The following EYA1 variants were observed in gnomAD, a reference collection of about 807,000 sequenced individuals.
The protein encoded by EYA1 is protein phosphatase EYA1.
Under a neutral mutation model 82.0 loss-of-function variants are expected in EYA1, and 16 were observed. That is an observed-to-expected ratio of 0.20 (90% CI 0.13 to 0.30). The LOEUF (loss-of-function observed/expected upper bound fraction) is 0.30, where lower values mean the gene tolerates loss of function less well. EYA1 is among the 10% of genes least tolerant of loss of function. The probability of loss-of-function intolerance (pLI) is 1.00; values close to 1 mark genes in which losing one functional copy is unlikely to be tolerated. For synonymous variants in EYA1, 261 were observed against 264.4 expected (o/e 0.99, Z 0.12); for missense variants, 633 against 730.7 (o/e 0.87, Z 1.54).
At chr8:71,331,289 T>C (rs185811914) in intron 4 of EYA1, among the ~76,000 whole-genome samples, 4 of 148,090 alleles carry the variant, frequency 2.7e-5, no homozygotes, top group African/African-American at 1.0e-4. Context: ...CACACACATA[T>C]ATATACATAT....
chr8:71,405,733 T>C (rs1025594922), intron 2 of EYA1, among the ~76,000 whole-genome samples: 3 of 152,184 alleles, frequency 2.0e-5, no homozygotes, highest in East Asian at 1.9e-4. Flanking sequence ...TTTTCCGTTG[T>C]TATTTGATGA....
intron 2 of EYA1, among the ~76,000 whole-genome samples, chr8:71,355,508 T>C (rs1190098731): frequency 6.6e-6 from 1 of 152,212 alleles, no homozygotes; most frequent in Non-Finnish European, 1.5e-5. Context: ...TAATTGTTCC[T>C]CTGTTTCCCT....
upstream of EYA1, among the ~76,000 whole-genome samples, chr8:71,365,067 A>T (rs1228916565): frequency 6.7e-6 from 1 of 149,764 alleles, no homozygotes; most frequent in African/African-American, 2.4e-5. Flanking sequence ...TATATATGTG[A>T]GAGAGAGAGA....
intron 16 of EYA1, among the ~76,000 whole-genome samples, chr8:71,214,193 C>T (rs546602576): frequency 3.3e-5 from 5 of 152,170 alleles, no homozygotes; most frequent in South Asian, 2.1e-4. Flanking sequence ...TGCTCATACC[C>T]CTTCCCCTGG....
upstream of EYA1, among the ~76,000 whole-genome samples, chr8:71,365,240 A>G (rs1369321145): frequency 6.6e-6 from 1 of 151,922 alleles, no homozygotes; most frequent in Non-Finnish European, 1.5e-5. Flanking sequence ...AATTCCAATA[A>G]TGAAAATAAA....
intron 9 of EYA1, among the ~76,000 whole-genome samples, chr8:71,279,780 A>G (rs565027011): frequency 6.6e-6 from 1 of 152,370 alleles, no homozygotes; most frequent in Non-Finnish European, 1.5e-5. Context: ...GGTACAGGTC[A>G]CAGGTATATG....
intron 2 of EYA1, among the ~76,000 whole-genome samples, chr8:71,391,315 T>C (rs934537361): frequency 1.3e-5 from 2 of 152,172 alleles, no homozygotes; most frequent in Non-Finnish European, 2.9e-5. Context: ...TAGCTTCCGT[T>C]TCACTGTTGA....
At chr8:71,445,796 G>A (rs1184148996) in intron 2 of EYA1, among the ~76,000 whole-genome samples, 3 of 152,036 alleles carry the variant, frequency 2.0e-5, no homozygotes, top group Non-Finnish European at 4.4e-5. Context: ...CCACCACCAC[G>A]CCCACCTCGG....
At chr8:71,399,479 T>G (rs996244718) in intron 2 of EYA1, among the ~76,000 whole-genome samples, 2 of 152,170 alleles carry the variant, frequency 1.3e-5, no homozygotes, top group African/African-American at 4.8e-5. Context: ...TGACATATCT[T>G]TGTTTTAACT....
intron 2 of EYA1, among the ~76,000 whole-genome samples, chr8:71,372,981 T>C (rs1828168467): frequency 1.3e-5 from 2 of 152,092 alleles, no homozygotes; most frequent in African/African-American, 4.8e-5. Context: ...GGAAATTTCC[T>C]TGACATAATA....
chr8:71,275,445 G>C (rs1362496465), intron 9 of EYA1, among the ~76,000 whole-genome samples: 1 of 152,142 alleles, frequency 6.6e-6, no homozygotes, highest in African/African-American at 2.4e-5. Flanking sequence ...CCAGTAGGCT[G>C]CTAGACTACT....
chr8:71,431,851 A>T (rs1805641533), intron 2 of EYA1, among the ~76,000 whole-genome samples: 1 of 152,070 alleles, frequency 6.6e-6, no homozygotes. Flanking sequence ...CCTAATCATA[A>T]CCTTCACAGG....
At chr8:71,293,546 A>T (rs1004258221) in intron 9 of EYA1, among the ~76,000 whole-genome samples, 1 of 152,134 alleles carries the variant, frequency 6.6e-6, no homozygotes, top group Admixed American at 6.5e-5. Flanking sequence ...CCTCAACAAA[A>T]TATTAGCAAA....
intron 2 of EYA1, among the ~76,000 whole-genome samples, chr8:71,432,103 T>C (rs1805664809): frequency 6.6e-6 from 1 of 152,208 alleles, no homozygotes; most frequent in Non-Finnish European, 1.5e-5. Context: ...AACTTCTTTT[T>C]ATACTTGTTT....
intron 2 of EYA1, among the ~76,000 whole-genome samples, chr8:71,385,817 T>C (rs1380259347): frequency 6.6e-6 from 1 of 152,216 alleles, no homozygotes; most frequent in Non-Finnish European, 1.5e-5. Flanking sequence ...AATTGAATAA[T>C]ATCTAGTTGG....
At chr8:71,467,996 C>T (rs1458021473) in intron 2 of EYA1, among the ~76,000 whole-genome samples, 1 of 152,094 alleles carries the variant, frequency 6.6e-6, no homozygotes, top group Admixed American at 6.6e-5. Flanking sequence ...AAAGTTTGAG[C>T]TGCTCAAGGG....
At chr8:71,435,360 G>T (rs1397469794) in intron 2 of EYA1, among the ~76,000 whole-genome samples, 2 of 152,024 alleles carry the variant, frequency 1.3e-5, no homozygotes, top group African/African-American at 4.8e-5. Context: ...TAGTGATACA[G>T]GGGTATCATA....
rs543708713 is a variant in EYA1, at chr8:71,209,297, A to G, written c.1698+1859T>C. 1.4e-4 allele frequency among the ~76,000 whole-genome samples: 22 copies of G among 152,332 alleles called. No individual in the cohort carries two copies. The South Asian group carries it at 3.9e-3, about 27-fold the overall frequency. ...CTTAGGCTGGGAAAGGTTTTATTTT[A>G]TAAAGACAGCCCAGAGAGGTAACAG... On this transcript the variant is annotated intron_variant, in intron 17 of 17. Coordinates refer to ENST00000340726, the MANE Select transcript of EYA1 (RefSeq NM_000503.6).
At chr8:71,321,061 A>T (rs1822480223) in intron 6 of EYA1, among the ~76,000 whole-genome samples, 1 of 152,152 alleles carries the variant, frequency 6.6e-6, no homozygotes, top group Non-Finnish European at 1.5e-5. Context: ...AAATTCTGAA[A>T]TTTTTTTAAT....
Sources: allele counts gnomAD v4.1 joint callset (sites outside exome capture counted in the v4.1 genomes callset), GRCh38; gene constraint gnomAD v4.1.1; transcripts MANE v1.5; gene names NCBI Gene and HGNC (gene_info 2026-07-23, HGNC 2026-07-21).